Variants in WDR27 observed in about 807,000 individuals in gnomAD.
WDR27 encodes the protein WD repeat domain 27.
WDR27 carries 100 observed loss-of-function variants against 114.4 expected under a neutral mutation model. The ratio of observed to expected loss-of-function variants is 0.87; its 90% CI spans 0.74 to 1.03. WDR27 has a LOEUF of 1.03. WDR27 is among the 50% of genes least tolerant of loss of function. The pLI is 0.00. For synonymous variants in WDR27, 449 were observed against 423.1 expected, an observed-to-expected ratio of 1.06 and a Z score of -0.75; for missense variants, 1,129 against 1,092.9, an observed-to-expected ratio of 1.03 and a Z score of -0.47.
intron 25 of WDR27, among the ~76,000 whole-genome samples, chr6:169,571,624 T>A (rs1801442148): frequency 6.6e-6 from 1 of 152,120 alleles, no homozygotes; most frequent in Non-Finnish European, 1.5e-5. Context: ...GCCCAGGAGT[T>A]CAAGGCCAGC....
At chr6:169,694,233 C>T (rs886764901) in intron 1 of WDR27, among the ~76,000 whole-genome samples, 5 of 152,100 alleles carry the variant, frequency 3.3e-5, no homozygotes, top group Admixed American at 6.6e-5. Flanking sequence ...ATCATTTTAA[C>T]CTGGGAGGCT....
rs568844088 is a variant in WDR27 at position 169,509,701 on chromosome 6, A to G, written c.2646-52067T>C. On this transcript the variant is annotated intron_variant, in intron 25 of 25. Coordinates refer to ENST00000448612, the MANE Select transcript of WDR27 (RefSeq NM_182552.5). ...CCTAGAAGAAAACCTAGGCAATACC[A>G]TTCAGGACATAGGCATGGGCAAGGA... is the stretch of plus-strand genomic sequence containing the variant. Among the ~76,000 whole-genome samples, 329 of 152,216 alleles carry G rather than the reference A, an allele frequency of 2.2e-3. 4 individuals are homozygous for G. The highest frequency in any genetic ancestry group is 7.6e-3 in the African/African-American group (314 of 41,550).
chr6:169,605,169 C>A, intron 22 of WDR27, among the ~76,000 whole-genome samples: 1 of 138,390 alleles, frequency 7.2e-6, no homozygotes, highest in Non-Finnish European at 1.5e-5. Flanking sequence ...AAGAGGACAT[C>A]AAATTATCCC....
chr6:169,698,902 C>T (rs915464386), intron 1 of WDR27, among the ~76,000 whole-genome samples: 4 of 152,198 alleles, frequency 2.6e-5, no homozygotes, highest in African/African-American at 9.6e-5. Flanking sequence ...AAGCTGAGGT[C>T]ACTTCTGTCA....
intron 25 of WDR27, among the ~76,000 whole-genome samples, chr6:169,553,004 GTGT>G (rs1798376215): frequency 1.6e-5 from 2 of 122,156 alleles, no homozygotes; most frequent in African/African-American, 6.1e-5. Context: ...GTGTGTGTGT[GTGT>G]GTGTGTGTGT....
At chr6:169,651,493 T>C (rs1261758118) in intron 14 of WDR27, among the ~76,000 whole-genome samples, 1 of 152,074 alleles carries the variant, frequency 6.6e-6, no homozygotes, top group African/African-American at 2.4e-5. Context: ...CTTTGAGCAG[T>C]CTTGCTAACT....
At chr6:169,489,281 A>T (rs766723357) in intron 25 of WDR27, among the ~76,000 whole-genome samples, 2 of 152,206 alleles carry the variant, frequency 1.3e-5, no homozygotes, top group African/African-American at 2.4e-5. Context: ...GTCTCAAGCA[A>T]GTACTTTTCT....
intron 1 of WDR27, among the ~76,000 whole-genome samples, chr6:169,690,011 A>C (rs1486086987): frequency 6.6e-6 from 1 of 151,844 alleles, no homozygotes; most frequent in Non-Finnish European, 1.5e-5. Context: ...CATGCTGGTC[A>C]TGTGAATTCA....
At position 169,658,828 on chromosome 6, in the gene WDR27, C is replaced by T. The variant is rs181573630; in HGVS notation, c.1319+258G>A. 2.7e-3 allele frequency among the ~76,000 whole-genome samples: 409 copies of T among 152,068 alleles called. 2 individuals carry two copies. Among genetic ancestry groups the T allele is most frequent in the African/African-American group, 9.3e-3 (386 of 41,480 alleles). ...CCTCCCGACTAGCTGGGACTACAGG[C>T]GCCTGCCACCATGCCTGGCTAATTG... On this transcript the variant is annotated intron_variant, in intron 12 of 25. Transcript: ENST00000448612.
At chr6:169,489,371 G>C (rs561311055) in intron 25 of WDR27, among the ~76,000 whole-genome samples, 1 of 152,336 alleles carries the variant, frequency 6.6e-6, no homozygotes, top group East Asian at 1.9e-4. Context: ...CCAGCTCTGT[G>C]AGACTATGGC....
At chr6:169,481,488 C>G in intron 25 of WDR27, among the ~76,000 whole-genome samples, 1 of 152,230 alleles carries the variant, frequency 6.6e-6, no homozygotes, top group East Asian at 1.9e-4. Context: ...TTCTTTCACT[C>G]TTCGCAATAA....
chr6:169,466,329 G>T (rs574718428), intron 25 of WDR27, among the ~76,000 whole-genome samples: 1 of 152,310 alleles, frequency 6.6e-6, no homozygotes, highest in Admixed American at 6.5e-5. Flanking sequence ...ATAAAGGAAA[G>T]AAGTTTAATT....
At chr6:169,587,873 T>C (rs911653460) in intron 23 of WDR27, among the ~76,000 whole-genome samples, 1 of 152,362 alleles carries the variant, frequency 6.6e-6, no homozygotes, top group African/African-American at 2.4e-5. Context: ...ACTGGATTCA[T>C]TTATCCTGAA....
intron 21 of WDR27, among the ~76,000 whole-genome samples, chr6:169,622,749 C>T (rs1813677819): frequency 2.0e-5 from 3 of 152,202 alleles, no homozygotes; most frequent in South Asian, 2.1e-4. Context: ...ACGGGAGAAG[C>T]GTCCCGGTGA....
At chr6:169,521,337 T>A (rs2128064768) in intron 25 of WDR27, among the ~76,000 whole-genome samples, 1 of 152,050 alleles carries the variant, frequency 6.6e-6, no homozygotes, top group African/African-American at 2.4e-5. Flanking sequence ...CTTTCCCAGA[T>A]AAACAAAAGC....
chr6:169,574,532 C>G (rs1801940026), intron 24 of WDR27, among the ~76,000 whole-genome samples: 2 of 152,170 alleles, frequency 1.3e-5, no homozygotes. Flanking sequence ...CCACATCCGC[C>G]CCAGGTGACA....
chr6:169,558,902 C>T (rs1329209886), intron 25 of WDR27: 3 of 152,198 alleles, frequency 2.0e-5, no homozygotes, highest in African/African-American at 7.2e-5. Context: ...AAGTTACTTA[C>T]ATTTGAATCC....
chr6:169,566,071 AACATTTT>A (rs1283202348), intron 25 of WDR27, among the ~76,000 whole-genome samples: 1 of 151,880 alleles, frequency 6.6e-6, no homozygotes, highest in Non-Finnish European at 1.5e-5. Flanking sequence ...TAAGAAATAA[AACATTTT>A]GTAATGTATT....
At chr6:169,682,407 C>G (rs1486324046) in intron 2 of WDR27, among the ~76,000 whole-genome samples, 2 of 152,318 alleles carry the variant, frequency 1.3e-5, no homozygotes, top group Non-Finnish European at 2.9e-5. Context: ...CCCACAGAGC[C>G]CCAGTACCCA....
Sources: gnomAD v4.1 joint callset for allele counts (sites outside exome capture counted in the v4.1 genomes callset) on GRCh38, gnomAD v4.1.1 for gene constraint, MANE v1.5 for transcripts, NCBI Gene and HGNC (gene_info 2026-07-23, HGNC 2026-07-21) for gene names.